Variants in FURIN observed in about 807,000 individuals in gnomAD.
The protein encoded by FURIN is furin, paired basic amino acid cleaving enzyme, also known as FES upstream region.
A neutral mutation model predicts 89.2 loss-of-function variants in FURIN; 18 were observed. The ratio of observed to expected loss-of-function variants is 0.20; its 90% confidence interval spans 0.14 to 0.30. The LOEUF (loss-of-function observed/expected upper bound fraction) is 0.30, where lower values mean the gene tolerates loss of function less well. Among genes scored for constraint, FURIN ranks in the 10% least tolerant of loss-of-function variants. The pLI is 1.00. For missense variants in FURIN, 879 were observed against 1,100.5 expected (o/e 0.80, Z 2.85); for synonymous variants, 508 against 466.4 (o/e 1.09, Z -1.15).
chr15:90,872,283 G>T (rs1193371495), intron 1 of FURIN, among the ~76,000 whole-genome samples: 1 of 152,164 alleles, frequency 6.6e-6, no homozygotes, highest in East Asian at 1.9e-4. Flanking sequence ...TGCCCCCGCT[G>T]TGTGGCTGGA....
At chr15:90,870,852 TTAA>T (rs1162487271) in intron 1 of FURIN, among the ~76,000 whole-genome samples, 1 of 152,132 alleles carries the variant, frequency 6.6e-6, no homozygotes, top group Non-Finnish European at 1.5e-5. Context: ...TAAAATGGGA[TTAA>T]TAATCTCAGC....
intron 1 of FURIN, among the ~76,000 whole-genome samples, chr15:90,873,404 A>C (rs1039567197): frequency 6.6e-6 from 1 of 152,128 alleles, no homozygotes; most frequent in Non-Finnish European, 1.5e-5. Flanking sequence ...CTCCATCTAC[A>C]GTGTGCTGGA....
chr15:90,880,083 C>T lies in FURIN; in HGVS notation c.1377-11C>T. 4.4e-6 allele frequency: 7 copies of T among 1,604,402 alleles called. No homozygotes were observed. Among genetic ancestry groups the T allele is most frequent in the African/African-American group, 1.3e-5 (1 of 74,942 alleles). The stretch of plus-strand genomic sequence containing the variant: ...GGGCCAGGCTGACCATCATGGTGCT[C>T]TCCTGCACAGAGACATCGGGAAACG... On this transcript the variant is annotated splice_polypyrimidine_tract_variant and intron_variant, in intron 12 of 15. Coordinates refer to ENST00000268171, the MANE Select transcript of FURIN (RefSeq NM_002569.4).
chr15:90,881,632 G>C lies in FURIN; in HGVS notation c.2139G>C (p.Leu713=), dbSNP rs375331537. The part of the protein sequence containing the change: ...RLRAGLLPSH[L]PEVVAGLSCA... ...GGGCAGGGCTGCTGCCCTCACACCT[G>C]CCTGAGGTGGTGGCCGGCCTCAGCT... Residue 713 remains leucine, a synonymous_variant, in exon 16 of 16, where the codon CTG becomes CTC. Coordinates refer to ENST00000268171, the MANE Select transcript of FURIN (RefSeq NM_002569.4). This position sits in a 1 kb window ranked among gnomAD's most constrained non-coding sequence, Gnocchi z 4.3. The C allele has an allele frequency of 6.3e-7, 1 of 1,591,880 alleles. No individual in the cohort carries two copies. The highest frequency in any genetic ancestry group is 8.6e-7 in the Non-Finnish European group (1 of 1,166,556).
rs2031883715 is a variant in FURIN, at chr15:90,880,253, C to T, written c.1536C>T (p.Arg512=). 1 of 1,607,208 alleles carries T rather than the reference C, an allele frequency of 6.2e-7. No homozygotes were observed. Among genetic ancestry groups the T allele is most frequent in the Non-Finnish European group, 8.5e-7 (1 of 1,176,426 alleles). Residue 512 remains arginine, a synonymous_variant, in exon 13 of 16, where the codon CGC becomes CGT. Coordinates refer to ENST00000268171, the MANE Select transcript of FURIN (RefSeq NM_002569.4). ...ACCTGGTCAGCCCCATGGGCACCCG[C>T]TCCACCCTGCTGGCAGCCAGGTGCT... ...AIHLVSPMGT[R]STLLAARPHD... is the part of the protein sequence containing the mutation.
At chr15:90,872,250 C>T (rs1198587934) in intron 1 of FURIN, among the ~76,000 whole-genome samples, 1 of 152,034 alleles carries the variant, frequency 6.6e-6, no homozygotes, top group Non-Finnish European at 1.5e-5. Flanking sequence ...CTGCCTTCTG[C>T]CGCGGCCTGG....
chr15:90,873,211 TG>T (rs770523648), intron 1 of FURIN: 1 of 152,214 alleles, frequency 6.6e-6, no homozygotes. Context: ...GAGCCGTCTG[TG>T]GGGGTCTCAT....
rs1246114763 is a variant in FURIN at position 90,876,983 on chromosome 15, G to A, written c.460G>A (p.Asp154Asn). 2 of 1,614,162 alleles carry A rather than the reference G, an allele frequency of 1.2e-6. No homozygotes were observed. The highest frequency in any genetic ancestry group is 1.7e-5 in the Admixed American group (1 of 60,022). ...GHGIVVSILD[D>N]GIEKNHPDLA... ...CGGCATTGTGGTCTCCATTCTGGACGATGGCATCGAGAAGAACCACCCGGA... is the reference window on the plus strand; with the variant it reads ...CGGCATTGTGGTCTCCATTCTGGACAATGGCATCGAGAAGAACCACCCGGA... Residue 154 changes from aspartate (D) to asparagine (N), a missense_variant, in exon 5 of 16, where the codon GAT becomes AAT. Asp to Asn is a conservative substitution (Grantham distance 23). Transcript: ENST00000268171. This position sits in a 1 kb window ranked among gnomAD's most constrained non-coding sequence, Gnocchi z 5.0.
chr15:90,872,636 C>T (rs2031379792), intron 1 of FURIN, among the ~76,000 whole-genome samples: 1 of 152,184 alleles, frequency 6.6e-6, no homozygotes, highest in African/African-American at 2.4e-5. Context: ...GTTTGAAAGC[C>T]GCTGGTCCAG....
chr15:90,876,179 G>A lies in FURIN; in HGVS notation c.178-76G>A, dbSNP rs911747699. The A allele has an allele frequency of 2.1e-5, 22 of 1,035,586 alleles. No homozygotes were observed. The highest frequency in any genetic ancestry group is 2.3e-4 in the Middle Eastern group (1 of 4,432). 64.1% of individuals were successfully genotyped at this position (1,035,586 alleles called of 1,614,324 possible). A position where few individuals can be genotyped will look rare whatever the true frequency, so the allele number is the denominator to read the frequency against. On this transcript the variant is annotated intron_variant, in intron 2 of 15. Transcript: ENST00000268171. The surrounding 1 kb of genome is among the most constrained non-coding windows in gnomAD (Gnocchi z 5.0). ...ACCGTGGCGAGCCTCCCATGAAGCC[G>A]TTGTCCACCCCCGTCCCCCGCCTCC...
intron 7 of FURIN, 140 bp from the exon 8 acceptor site, chr15:90,877,992 G>C: frequency 1.4e-6 from 1 of 738,114 alleles, no homozygotes; most frequent in South Asian, 1.8e-5. Context: ...GTAGTTGGGG[G>C]TTCAGGGTTT....
Position 90,882,010 on chromosome 15 carries a change from C to A in FURIN, c.*132C>A. 1 of 692,880 alleles carries A rather than the reference C, an allele frequency of 1.4e-6. No homozygotes were observed. Among genetic ancestry groups the A allele is most frequent in the Non-Finnish European group, 2.4e-6 (1 of 409,224 alleles). 42.9% of individuals were successfully genotyped at this position (692,880 alleles called of 1,614,324 possible). Reference sequence around the variant, plus strand: ...AAGAGGGGTGGAGACTGCTTCCCATCCTACCCTCGGGCCCACCTGGCCACC... The same window carrying A: ...AAGAGGGGTGGAGACTGCTTCCCATACTACCCTCGGGCCCACCTGGCCACC... On this transcript the variant is annotated 3_prime_UTR_variant, in exon 16 of 16. Transcript: ENST00000268171.
chr15:90,871,367 G>C (rs901826918), intron 1 of FURIN, among the ~76,000 whole-genome samples: 10 of 151,700 alleles, frequency 6.6e-5, no homozygotes, highest in African/African-American at 9.7e-5. Flanking sequence ...GGGACGCGCC[G>C]GGCGGCCGCG....
Position 90,878,897 on chromosome 15 carries a change from A to G in FURIN, c.974A>G (p.Asn325Ser), listed in dbSNP as rs745570892. The change falls in exon 9 of 16, where the codon AAC becomes AGC. Residue 325 changes from asparagine to serine, a missense_variant. Physicochemically the swap from Asn to Ser is conservative, Grantham distance 46. Coordinates refer to ENST00000268171, the MANE Select transcript of FURIN (RefSeq NM_002569.4). The part of the protein sequence containing the change: ...LSISSATQFG[N>S]VPWYSEACSS... Reference sequence around the variant, plus strand: ...ATCAGCAGCGCCACGCAGTTTGGCAACGTGCCGTGGTACAGCGAGGCCTGC... The same window carrying G: ...ATCAGCAGCGCCACGCAGTTTGGCAGCGTGCCGTGGTACAGCGAGGCCTGC... 38 of 1,613,002 alleles carry G rather than the reference A, an allele frequency of 2.4e-5. No individual in the cohort carries two copies. Among genetic ancestry groups the G allele is most frequent in the Non-Finnish European group, 3.0e-5 (35 of 1,179,904 alleles).
rs1381470895 is a variant in FURIN at position 90,879,122 on chromosome 15, CTG to C, written c.1053+148_1053+149del. ...ATCATGCAACATGAACTCTGGGGCT[CTG>C]TAGGTTCTTGGAGGCCATGGAGCCA... is the stretch of plus-strand genomic sequence containing the variant. On this transcript the variant is annotated intron_variant, in intron 9 of 15. Coordinates refer to ENST00000268171, the MANE Select transcript of FURIN (RefSeq NM_002569.4). 8.0e-6 allele frequency: 5 copies of C among 622,338 alleles called. No homozygotes were observed. The Admixed American group carries it at 1.4e-4, about 17-fold the overall frequency. The allele number at this position is 622,338 out of a possible 1,614,324, so 38.6% of individuals were successfully genotyped here. A position where few individuals can be genotyped will look rare whatever the true frequency, so the allele number is the denominator to read the frequency against.
Position 90,878,211 on chromosome 15 carries a change from C to T in FURIN, c.747C>T (p.Ile249=). The change falls in exon 8 of 16, where the codon ATC becomes ATT. Residue 249 remains isoleucine, a synonymous_variant. Coordinates refer to ENST00000268171, the MANE Select transcript of FURIN (RefSeq NM_002569.4). ...SLGLNPNHIH[I]YSASWGPEDD... is the part of the protein sequence containing the mutation. ...GCCTGAACCCCAACCACATCCACAT[C>T]TACAGTGCCAGCTGGGGCCCCGAGG... 1 of 1,613,954 alleles carries T rather than the reference C, an allele frequency of 6.2e-7. No individual in the cohort carries two copies.
intron 1 of FURIN, 47 bp from the exon 2 acceptor site, chr15:90,875,535 G>A (rs1332848358): frequency 4.0e-6 from 2 of 503,706 alleles, no homozygotes; most frequent in Non-Finnish European, 7.0e-6. Flanking sequence ...TGCGTAGCAG[G>A]GGAGGAACTG....
intron 5 of FURIN, 28 bp from the exon 6 acceptor site, chr15:90,877,107 C>A (rs1240216898): frequency 6.2e-7 from 1 of 1,609,824 alleles, no homozygotes; most frequent in South Asian, 1.1e-5. Flanking sequence ...GGTCAGCCTT[C>A]TCCTGATGGT....
chr15:90,878,775 G>C lies in FURIN; in HGVS notation c.852G>C (p.Gly284=), dbSNP rs746828864. Residue 284 remains glycine (G), a synonymous_variant, in exon 9 of 16, where the codon GGG becomes GGC. Coordinates refer to ENST00000268171, the MANE Select transcript of FURIN (RefSeq NM_002569.4). The stretch of plus-strand genomic sequence containing the variant: ...CACTCTGTCCACAGGGCCGAGGGGG[G>C]CTGGGCTCCATCTTTGTCTGGGCCT... ...FFRGVSQGRG[G]LGSIFVWASG... The C allele has an allele frequency of 2.3e-5, 37 of 1,604,256 alleles. No homozygotes were observed. In the South Asian group the frequency reaches 3.7e-4, roughly 16 times the overall value.
Sources: allele counts gnomAD v4.1 joint callset (sites outside exome capture counted in the v4.1 genomes callset), GRCh38; gene constraint gnomAD v4.1.1; non-coding constraint Gnocchi (gnomAD v3.1); transcripts MANE v1.5; gene names NCBI Gene and HGNC (gene_info 2026-07-23, HGNC 2026-07-21).